Variants in DNAAF5 observed in about 807,000 individuals in gnomAD.
The protein encoded by DNAAF5 is HEAT repeat containing 2.
In DNAAF5, 64 loss-of-function variants were observed where a neutral mutation model predicts 75.8. The observed-to-expected ratio is 0.84, with a 90% CI of 0.69 to 1.04. DNAAF5 has a LOEUF of 1.04. Among genes scored for constraint, DNAAF5 ranks in the 50% least tolerant of loss-of-function variants. The pLI, the probability that DNAAF5 is intolerant of heterozygous loss-of-function variation, is 0.00. For missense variants in DNAAF5, 1,269 were observed against 1,178.5 expected, an observed-to-expected ratio of 1.08 and a Z score of -1.12; for synonymous variants, 657 against 557.2, an observed-to-expected ratio of 1.18 and a Z score of -2.52.
chr7:778,273 G>A (rs1215634609), intron 11 of DNAAF5: 3 of 152,242 alleles, frequency 2.0e-5, no homozygotes, highest in African/African-American at 7.2e-5. Flanking sequence ...TTGGGCATCT[G>A]GGCCACGGCC....
Position 756,805 on chromosome 7 carries a change from C to T in DNAAF5, c.1281C>T (p.Val427=), listed in dbSNP as rs749052581. 2.5e-5 allele frequency: 40 copies of T among 1,613,800 alleles called. No individual in the cohort carries two copies. Among genetic ancestry groups the T allele is most frequent in the Non-Finnish European group, 2.9e-5 (34 of 1,180,018 alleles). The stretch of plus-strand genomic sequence containing the variant: ...AGTGTACCAGATCCGCAGAGCTCGT[C>T]GGGACGTTTGTCAGCCCTGAGGTGT... ...VQSCTRSAEL[V]GTFVSPEVFL... Residue 427 remains valine (V), a synonymous_variant, in exon 6 of 13, where the codon GTC becomes GTT. Coordinates refer to ENST00000297440, the MANE Select transcript of DNAAF5 (RefSeq NM_017802.4).
At chr7:762,035 G>C in intron 7 of DNAAF5, 139 bp downstream of exon 7, 2 of 279,284 alleles carry the variant, frequency 7.2e-6, no homozygotes, top group Non-Finnish European at 1.2e-5. Flanking sequence ...CCTTGCGGGT[G>C]AGTCCCCGGG....
intron 12 of DNAAF5, among the ~76,000 whole-genome samples, chr7:784,725 C>T (rs1184081169): frequency 3.3e-5 from 5 of 152,184 alleles, no homozygotes; most frequent in African/African-American, 7.2e-5. Context: ...GCAGTCACTG[C>T]GGCAGGTGAA....
In DNAAF5 at chr7:754,900, G is replaced by A. The variant is rs1296371270; in HGVS notation, c.1257+79G>A. On this transcript the variant is annotated intron_variant, in intron 5 of 12. Transcript: ENST00000297440. This position sits in a 1 kb window ranked among gnomAD's most constrained non-coding sequence, Gnocchi z 4.8. ...CCCGCCTCTGTGGTGTGCGGGGCCCGAGGCTGTACTGTAGCCAAGACAGCG... is the reference window on the plus strand; with the variant it reads ...CCCGCCTCTGTGGTGTGCGGGGCCCAAGGCTGTACTGTAGCCAAGACAGCG... 1.3e-5 allele frequency: 14 copies of A among 1,110,338 alleles called. No individual in the cohort carries two copies. The highest frequency in any genetic ancestry group is 2.6e-5 in the East Asian group (1 of 38,464). 68.8% of individuals were successfully genotyped at this position (1,110,338 alleles called of 1,614,324 possible). A position where few individuals can be genotyped will look rare whatever the true frequency, so the allele number is the denominator to read the frequency against.
In DNAAF5 at chr7:740,936, G is replaced by A. The variant is rs768333531; in HGVS notation, c.898G>A (p.Glu300Lys). 25 of 1,613,168 alleles carry A rather than the reference G, an allele frequency of 1.5e-5. No homozygotes were observed. Among genetic ancestry groups the A allele is most frequent in the Non-Finnish European group, 1.9e-5 (23 of 1,180,046 alleles). The change falls in exon 3 of 13, where the codon GAG becomes AAG. Residue 300 changes from glutamate (E) to lysine (K), a missense_variant. Physicochemically the swap from Glu to Lys is moderately conservative, Grantham distance 56. Transcript: ENST00000297440. ...CAGTAGCCTCAACGACGAGGTGCCT[G>A]AGGTCAGGTACGTGGGCAGGCGGCC... ...LLSSLNDEVPEVRQLAASLWE... is the reference protein window; with the variant it reads ...LLSSLNDEVPKVRQLAASLWE...
chr7:762,033 G>A, intron 7 of DNAAF5, 137 bp downstream of exon 7: 1 of 951,300 alleles, frequency 1.1e-6, no homozygotes, highest in Non-Finnish European at 1.5e-6. Flanking sequence ...AACCTTGCGG[G>A]TGAGTCCCCG....
At chr7:776,812 C>T (rs1325683680) in intron 11 of DNAAF5, among the ~76,000 whole-genome samples, 1 of 152,218 alleles carries the variant, frequency 6.6e-6, no homozygotes, top group African/African-American at 2.4e-5. Context: ...AGTACCTGTC[C>T]GGGTCCTGTT....
At chr7:779,237 G>A (rs1778858117) in intron 11 of DNAAF5, among the ~76,000 whole-genome samples, 1 of 152,192 alleles carries the variant, frequency 6.6e-6, no homozygotes, top group African/African-American at 2.4e-5. Context: ...CTGGTGCCAG[G>A]CGCGGGCAGC....
chr7:737,397 G>A (rs1781770671), intron 2 of DNAAF5, among the ~76,000 whole-genome samples: 1 of 152,192 alleles, frequency 6.6e-6, no homozygotes, highest in Non-Finnish European at 1.5e-5. Flanking sequence ...CACCCAACCA[G>A]TTAGTTATTT....
rs1781339906 is a variant in DNAAF5, at chr7:727,073, T to C, written c.353T>C (p.Leu118Pro). 3 of 1,048,200 alleles carry C rather than the reference T, an allele frequency of 2.9e-6. No individual in the cohort carries two copies. Among genetic ancestry groups the C allele is most frequent in the South Asian group, 4.4e-5 (1 of 22,732 alleles). 64.9% of individuals were successfully genotyped at this position (1,048,200 alleles called of 1,614,324 possible). Reference sequence around the variant, plus strand: ...CCCCGCGATGCCCTGCCGCGCCTGCTGCCCGCGCTCGCCGCGCGCTTGGCC... The same window carrying C: ...CCCCGCGATGCCCTGCCGCGCCTGCCGCCCGCGCTCGCCGCGCGCTTGGCC... The part of the protein sequence containing the change: ...ARPRDALPRL[L>P]PALAARLAGP... Residue 118 changes from leucine to proline, a missense_variant, in exon 1 of 13, where the codon CTG becomes CCG. By Grantham distance (98) the Leu-to-Pro change is moderately conservative. Transcript: ENST00000297440.
chr7:728,328 C>A (rs1781435520), intron 1 of DNAAF5, among the ~76,000 whole-genome samples: 1 of 152,208 alleles, frequency 6.6e-6, no homozygotes, highest in South Asian at 2.1e-4. Flanking sequence ...ATCTGGCCAG[C>A]TCAGGCCGTC....
chr7:761,626 C>T (rs1462356819), intron 6 of DNAAF5, 127 bp from the exon 7 acceptor site: 1 of 927,222 alleles, frequency 1.1e-6, no homozygotes, highest in Non-Finnish European at 1.6e-6. Flanking sequence ...CCCCATGATT[C>T]AGTTCCCTCC....
At chr7:745,467 C>G (rs1471159056) in intron 4 of DNAAF5, among the ~76,000 whole-genome samples, 1 of 152,138 alleles carries the variant, frequency 6.6e-6, no homozygotes, top group Non-Finnish European at 1.5e-5. Context: ...CACATGTACA[C>G]ACACACCTGT....
chr7:737,921 C>T (rs951977297), intron 2 of DNAAF5, among the ~76,000 whole-genome samples: 7 of 152,160 alleles, frequency 4.6e-5, no homozygotes, highest in African/African-American at 1.7e-4. Context: ...GGTTGGTGTT[C>T]TGTAGCCTTC....
At position 726,987 on chromosome 7, in the gene DNAAF5, C is replaced by G; in HGVS notation, c.267C>G (p.Ala89=). ...TGCTGCGCTGCCTGAGCGACCCCGC[C>G]GAGGGCTGCCGCGCGCTGGCAGTGC... ...PRLLRCLSDP[A]EGCRALAVHL... Residue 89 remains alanine (A), a synonymous_variant, in exon 1 of 13, where the codon GCC becomes GCG. Coordinates refer to ENST00000297440, the MANE Select transcript of DNAAF5 (RefSeq NM_017802.4). 1 of 1,271,320 alleles carries G rather than the reference C, an allele frequency of 7.9e-7. No individual in the cohort carries two copies. Among genetic ancestry groups the G allele is most frequent in the Admixed American group, 3.8e-5 (1 of 26,376 alleles). 78.8% of individuals were successfully genotyped at this position (1,271,320 alleles called of 1,614,324 possible). A position where few individuals can be genotyped will look rare whatever the true frequency, so the allele number is the denominator to read the frequency against.
At chr7:770,040 C>T (rs1778502416) in intron 8 of DNAAF5, among the ~76,000 whole-genome samples, 1 of 152,100 alleles carries the variant, frequency 6.6e-6, no homozygotes, top group South Asian at 2.1e-4. Flanking sequence ...CAACCTCCAC[C>T]TCCCAGGTTC....
intron 2 of DNAAF5, among the ~76,000 whole-genome samples, chr7:735,313 G>A (rs558669169): frequency 6.7e-6 from 1 of 150,306 alleles, no homozygotes; most frequent in Admixed American, 6.6e-5. Context: ...ATTGCTCACG[G>A]TGTAGTTCAT....
Position 780,057 on chromosome 7 carries a change from T to G in DNAAF5, c.2344T>G (p.Tyr782Asp). The G allele has an allele frequency of 1.2e-6, 2 of 1,614,210 alleles. No homozygotes were observed. Among genetic ancestry groups the G allele is most frequent in the Non-Finnish European group, 1.7e-6 (2 of 1,180,012 alleles). The change falls in exon 12 of 13, where the codon TAC becomes GAC. Residue 782 changes from tyrosine (Y) to aspartate (D), a missense_variant. Transcript: ENST00000297440. Reference protein sequence around the residue: ...QCVKGANAKSYYQSSVQYLYR... With the variant: ...QCVKGANAKSDYQSSVQYLYR... Reference sequence around the variant, plus strand: ...TGTCAAGGGTGCCAACGCAAAATCCTACTATCAGAGCAGTGTCCAGTACCT... The same window carrying G: ...TGTCAAGGGTGCCAACGCAAAATCCGACTATCAGAGCAGTGTCCAGTACCT...
intron 4 of DNAAF5, among the ~76,000 whole-genome samples, chr7:752,871 A>T (rs563129492): frequency 2.6e-5 from 4 of 152,386 alleles, no homozygotes; most frequent in African/African-American, 9.6e-5. Context: ...TCAGCAGGAA[A>T]ACAATCCATT....
Sources: gnomAD v4.1 joint callset for allele counts (sites outside exome capture counted in the v4.1 genomes callset) on GRCh38, gnomAD v4.1.1 for gene constraint, Gnocchi (gnomAD v3.1) non-coding constraint, MANE v1.5 for transcripts, NCBI Gene and HGNC (gene_info 2026-07-23, HGNC 2026-07-21) for gene names.